The following MGST3 variants were observed in gnomAD, a reference collection of about 807,000 sequenced individuals.
MGST3 encodes glutathione S-transferase 3, mitochondrial.
MGST3 carries 13 observed loss-of-function variants against 15.8 expected under a neutral mutation model. The observed-to-expected ratio is 0.82, with a 90% confidence interval of 0.54 to 1.31. The LOEUF (loss-of-function observed/expected upper bound fraction) is 1.31, where lower values mean the gene tolerates loss of function less well. Among genes scored for constraint, MGST3 ranks in the 50% most tolerant of loss-of-function variants. The pLI is 0.00. For synonymous variants in MGST3, 49 were observed against 68.1 expected (o/e 0.72, Z 1.38); for missense variants, 155 against 192.4 (o/e 0.81, Z 1.15).
At chr1:165,649,989 C>T (rs765399779) in intron 2 of MGST3, 25 bp downstream of exon 2, 1 of 1,613,428 alleles carries the variant, frequency 6.2e-7, no homozygotes, top group Non-Finnish European at 8.5e-7. Context: ...AAGCTGGTGC[C>T]CTTGTAGGCT....
At position 165,655,235 on chromosome 1, in the gene MGST3, G is replaced by A; in HGVS notation, c.323-133G>A. ...GACTTGCCAACAGCTTCAGGCTAAA[G>A]AGTTAGTTAACCTCCTAAGGCCAGT... On this transcript the variant is annotated intron_variant, in intron 5 of 5. Coordinates refer to ENST00000367889, the MANE Select transcript of MGST3 (RefSeq NM_004528.4). 3 of 1,093,460 alleles carry A rather than the reference G, an allele frequency of 2.7e-6. No individual in the cohort carries two copies. The Admixed American group carries it at 5.9e-5, about 22-fold the overall frequency. 67.7% of individuals were successfully genotyped at this position (1,093,460 alleles called of 1,614,324 possible). A position where few individuals can be genotyped will look rare whatever the true frequency, so the allele number is the denominator to read the frequency against.
At chr1:165,653,893 G>A (rs538629979) in intron 4 of MGST3, 8 of 298,422 alleles carry the variant, frequency 2.7e-5, no homozygotes, top group East Asian at 2.7e-4. Flanking sequence ...TTGAGAAAAC[G>A]GCATTTCCCC....
At chr1:165,655,336 C>T in intron 5 of MGST3, 32 bp from the exon 6 acceptor site, 2 of 1,613,470 alleles carry the variant, frequency 1.2e-6, no homozygotes, top group Non-Finnish European at 1.7e-6. Context: ...CTGGAGCACT[C>T]CTGGTAACTT....
chr1:165,655,857 G>T lies in MGST3; in HGVS notation c.*353G>T, dbSNP rs1335280604. 3 of 288,122 alleles carry T rather than the reference G, an allele frequency of 1.0e-5. No individual in the cohort carries two copies. Among genetic ancestry groups the T allele is most frequent in the Admixed American group, 4.9e-5 (1 of 20,502 alleles). The allele number at this position is 288,122 out of a possible 1,614,324, so 17.8% of individuals were successfully genotyped here. ...GCTCTCAGGATATGCATTATCACTT[G>T]CTACAGATACTCCAAGGCCAAAGGA... On this transcript the variant is annotated 3_prime_UTR_variant, in exon 6 of 6. Coordinates refer to ENST00000367889, the MANE Select transcript of MGST3 (RefSeq NM_004528.4).
chr1:165,632,257 G>A (rs992494870), intron 1 of MGST3: 1 of 1,612,704 alleles, frequency 6.2e-7, no homozygotes. Context: ...GGAGGGGAAG[G>A]CGCTTCCGGC....
At chr1:165,649,772 C>T in intron 1 of MGST3, 69 bp from the exon 2 acceptor site, 1 of 1,604,172 alleles carries the variant, frequency 6.2e-7, no homozygotes, top group Admixed American at 1.7e-5. Context: ...GCATCTTGCT[C>T]CCTAAGGCTT....
At chr1:165,641,258 C>G (rs78801018) in intron 1 of MGST3, among the ~76,000 whole-genome samples, 3 of 152,212 alleles carry the variant, frequency 2.0e-5, no homozygotes, top group Non-Finnish European at 4.4e-5. Flanking sequence ...TGTCATCATT[C>G]GAAGGTCAGG....
chr1:165,650,924 T>G, intron 2 of MGST3, 90 bp from the exon 3 acceptor site: 1 of 1,096,450 alleles, frequency 9.1e-7, no homozygotes, highest in Non-Finnish European at 1.4e-6. Flanking sequence ...AGAAGATACT[T>G]TGGAATATAT....
chr1:165,640,882 G>A (rs907032555), intron 1 of MGST3, among the ~76,000 whole-genome samples: 5 of 152,146 alleles, frequency 3.3e-5, no homozygotes, highest in Admixed American at 1.3e-4. Context: ...TGCCATTGCC[G>A]TGTGTTTTCC....
At chr1:165,637,013 T>A (rs995549438) in intron 1 of MGST3, 1 of 152,248 alleles carries the variant, frequency 6.6e-6, no homozygotes, top group African/African-American at 2.4e-5. Context: ...CCTTTTGGTA[T>A]GATCAGACTA....
chr1:165,639,244 G>A (rs1252860228), intron 1 of MGST3, among the ~76,000 whole-genome samples: 1 of 152,164 alleles, frequency 6.6e-6, no homozygotes, highest in Non-Finnish European at 1.5e-5. Flanking sequence ...CGTACTGGGG[G>A]AAGAGGTGAT....
chr1:165,638,450 A>C (rs1465990845), intron 1 of MGST3, among the ~76,000 whole-genome samples: 1 of 152,094 alleles, frequency 6.6e-6, no homozygotes, highest in African/African-American at 2.4e-5. Flanking sequence ...TCCAGCCCGG[A>C]TGACAGAGGG....
chr1:165,649,647 T>C, intron 1 of MGST3, 194 bp from the exon 2 acceptor site: 1 of 610,388 alleles, frequency 1.6e-6, no homozygotes, highest in Non-Finnish European at 2.8e-6. Flanking sequence ...ATAGACTGCA[T>C]AGTTGAGTAA....
At chr1:165,640,388 C>T (rs1648231315) in intron 1 of MGST3, among the ~76,000 whole-genome samples, 1 of 151,898 alleles carries the variant, frequency 6.6e-6, no homozygotes, top group Non-Finnish European at 1.5e-5. Context: ...GAAGGAGCAC[C>T]TCAGGAGCCT....
chr1:165,655,341 T>A, intron 5 of MGST3, 27 bp from the exon 6 acceptor site: 1 of 1,613,652 alleles, frequency 6.2e-7, no homozygotes, highest in Non-Finnish European at 8.5e-7. Context: ...GCACTCCTGG[T>A]AACTTCTGTT....
chr1:165,649,835 C>A lies in MGST3; in HGVS notation c.-7-6C>A. 1 of 1,613,962 alleles carries A rather than the reference C, an allele frequency of 6.2e-7. No individual in the cohort carries two copies. Among genetic ancestry groups the A allele is most frequent in the Non-Finnish European group, 8.5e-7 (1 of 1,179,990 alleles). On this transcript the variant is annotated splice_polypyrimidine_tract_variant and splice_region_variant and intron_variant, in intron 1 of 5. Transcript: ENST00000367889. ...GGGCCGTCCCAACGTGTTCTTTCTT[C>A]CACAGACGCAAGATGGCTGTCCTCT...
At position 165,655,583 on chromosome 1, in the gene MGST3, T is replaced by C; in HGVS notation, c.*79T>C. The C allele has an allele frequency of 6.5e-7, 1 of 1,550,014 alleles. No homozygotes were observed. The highest frequency in any genetic ancestry group is 8.8e-7 in the Non-Finnish European group (1 of 1,135,772). On this transcript the variant is annotated 3_prime_UTR_variant, in exon 6 of 6. Coordinates refer to ENST00000367889, the MANE Select transcript of MGST3 (RefSeq NM_004528.4). ...TCCAGTTACATTTTTTTTCTAAATA[T>C]AATAAAAACTTACCTGGCATCAGCC...
At chr1:165,636,735 CA>C (rs61588980) in intron 1 of MGST3, 105,129 of 148,258 alleles carry the variant, frequency 0.71, 37,481 homozygotes, top group East Asian at 0.94. Context: ...GACTCCGTCT[CA>C]AAAAAAAAAA....
intron 1 of MGST3, among the ~76,000 whole-genome samples, chr1:165,635,262 G>T (rs752174547): frequency 6.6e-6 from 1 of 152,146 alleles, no homozygotes; most frequent in Non-Finnish European, 1.5e-5. Flanking sequence ...ATCTGGGAAA[G>T]TTTGTCCTTA....
Sources: gnomAD v4.1 joint callset for allele counts (sites outside exome capture counted in the v4.1 genomes callset) on GRCh38, gnomAD v4.1.1 for gene constraint, MANE v1.5 for transcripts, NCBI Gene and HGNC (gene_info 2026-07-23, HGNC 2026-07-21) for gene names.